Variants in TECPR2 observed in about 807,000 individuals in gnomAD.
The protein encoded by TECPR2 is tectonin beta-propeller repeat-containing protein 2.
Under a neutral mutation model 138.1 loss-of-function variants are expected in TECPR2, and 65 were observed. The observed-to-expected ratio is 0.47, with a 90% CI of 0.39 to 0.58. TECPR2 has a LOEUF of 0.58. Among genes scored for constraint, TECPR2 ranks in the 20% least tolerant of loss-of-function variants. The probability of loss-of-function intolerance (pLI) is 0.00; values close to 1 mark genes in which losing one functional copy is unlikely to be tolerated. For synonymous variants in TECPR2, 746 were observed against 749.8 expected (o/e 0.99, Z 0.08); for missense variants, 1,553 against 1,824.5 (o/e 0.85, Z 2.71).
At chr14:102,474,661 A>G (rs544608262) in intron 17 of TECPR2, among the ~76,000 whole-genome samples, 1 of 152,336 alleles carries the variant, frequency 6.6e-6, no homozygotes, top group South Asian at 2.1e-4. Flanking sequence ...ATTATAAGTG[A>G]TTAAAATTTA....
chr14:102,493,751 CAG>C (rs948393210), intron 17 of TECPR2, among the ~76,000 whole-genome samples: 5 of 152,198 alleles, frequency 3.3e-5, no homozygotes, highest in South Asian at 2.1e-4. Context: ...CCTGCTGTGA[CAG>C]GGGCAGGGGC....
In TECPR2 at chr14:102,435,080, G is replaced by A; in HGVS notation, c.2263G>A (p.Glu755Lys). Residue 755 changes from glutamate (E) to lysine (K), a missense_variant, in exon 9 of 20, where the codon GAG becomes AAG. Coordinates refer to ENST00000359520, the MANE Select transcript of TECPR2 (RefSeq NM_014844.5). ...TCAGACATTGACGTCCAGCGATGAGGAGGACATCTATGCCCACGGGCTTCC... is the reference window on the plus strand; with the variant it reads ...TCAGACATTGACGTCCAGCGATGAGAAGGACATCTATGCCCACGGGCTTCC... ...RDQTLTSSDE[E>K]DIYAHGLPSS... 1 of 1,613,988 alleles carries A rather than the reference G, an allele frequency of 6.2e-7. No individual in the cohort carries two copies. Among genetic ancestry groups the A allele is most frequent in the African/African-American group, 1.3e-5 (1 of 75,052 alleles).
chr14:102,385,712 T>C (rs1489702946), intron 2 of TECPR2, among the ~76,000 whole-genome samples: 3 of 152,058 alleles, frequency 2.0e-5, no homozygotes, highest in Non-Finnish European at 4.4e-5. Flanking sequence ...GGCGGACAGA[T>C]AGCTTGAGCT....
At position 102,376,666 on chromosome 14, in the gene TECPR2, G is replaced by A. The variant is rs550523556; in HGVS notation, c.-56G>A. The A allele has an allele frequency of 6.5e-6, 10 of 1,530,620 alleles. No homozygotes were observed. Among genetic ancestry groups the A allele is most frequent in the Non-Finnish European group, 8.1e-6 (9 of 1,108,088 alleles). 94.8% of individuals were successfully genotyped at this position (1,530,620 alleles called of 1,614,324 possible). The stretch of plus-strand genomic sequence containing the variant: ...GTTCTGTAGCCCCCAGGTTTCCCTA[G>A]ATGACAAATAAACATTCCTTTTCCT... On this transcript the variant is annotated 5_prime_UTR_variant, in exon 2 of 20. Coordinates refer to ENST00000359520, the MANE Select transcript of TECPR2 (RefSeq NM_014844.5).
Position 102,465,186 on chromosome 14 carries a change from G to T in TECPR2, c.3686G>T (p.Trp1229Leu). The change falls in exon 17 of 20, where the codon TGG becomes TTG. Residue 1229 changes from tryptophan (W) to leucine (L), a missense_variant. Physicochemically the swap from Trp to Leu is moderately conservative, Grantham distance 61. Transcript: ENST00000359520. ...TSLACGNQHI[W>L]ACDSRGGVYF... ...TTGGCATGTGGAAATCAGCACATCT[G>T]GGCCTGTGATTCCAGGGGTGGAGTT... The T allele has an allele frequency of 6.2e-7, 1 of 1,614,174 alleles. No homozygotes were observed. Among genetic ancestry groups the T allele is most frequent in the South Asian group, 1.1e-5 (1 of 91,082 alleles).
intron 3 of TECPR2, 101 bp downstream of exon 3, chr14:102,407,567 G>A: frequency 7.0e-7 from 1 of 1,438,628 alleles, no homozygotes; most frequent in Non-Finnish European, 9.2e-7. Context: ...TATGCTCAGA[G>A]AAAGCCGGGC....
rs1889592497 is a variant in TECPR2 at position 102,434,276 on chromosome 14, A to G, written c.1459A>G (p.Thr487Ala). 7.2e-7 allele frequency: 1 copy of G among 1,388,546 alleles called. No homozygotes were observed. Among genetic ancestry groups the G allele is most frequent in the Non-Finnish European group, 9.4e-7 (1 of 1,065,098 alleles). The allele number at this position is 1,388,546 out of a possible 1,614,324, so 86.0% of individuals were successfully genotyped here. ...CACCTGTCACAGCTCCCTGGAATCG[A>G]CACCCTGCTCCGAATTTCCTGGGGA... ...RSTCHSSLES[T>A]PCSEFPGDSP... Residue 487 changes from threonine (T) to alanine (A), a missense_variant, in exon 9 of 20, where the codon ACA (threonine) becomes GCA (alanine). Physicochemically the swap from Thr to Ala is moderately conservative, Grantham distance 58 (BLOSUM62 0). Transcript: ENST00000359520.
At chr14:102,481,521 T>A (rs1890893874) in intron 17 of TECPR2, among the ~76,000 whole-genome samples, 1 of 152,254 alleles carries the variant, frequency 6.6e-6, no homozygotes, top group East Asian at 1.9e-4. Flanking sequence ...TCCCACCTAC[T>A]CAGGAGGCTG....
At chr14:102,376,220 C>T (rs1379696388) in intron 1 of TECPR2, among the ~76,000 whole-genome samples, 1 of 152,140 alleles carries the variant, frequency 6.6e-6, no homozygotes, top group African/African-American at 2.4e-5. Flanking sequence ...ACCTGGTGGG[C>T]TTCATAGTTC....
chr14:102,401,949 T>C (rs1226867150), intron 2 of TECPR2, among the ~76,000 whole-genome samples: 1 of 151,958 alleles, frequency 6.6e-6, no homozygotes, highest in Non-Finnish European at 1.5e-5. Flanking sequence ...AGTTACAGAA[T>C]TGCAGGAAGA....
chr14:102,448,020 A>G lies in TECPR2; in HGVS notation c.3076-1609A>G, dbSNP rs114341553. Among the ~76,000 whole-genome samples, 1,476 of 152,340 alleles carry G rather than the reference A, an allele frequency of 9.7e-3. 23 individuals carry two copies. The highest frequency in any genetic ancestry group is 0.034 in the African/African-American group (1,430 of 41,574). On this transcript the variant is annotated intron_variant, in intron 13 of 19. Coordinates refer to ENST00000359520, the MANE Select transcript of TECPR2 (RefSeq NM_014844.5). ...TATATAATATGTACATTATATACAG[A>G]TGTATCTAATTTATATACTAGGTAA...
intron 16 of TECPR2, among the ~76,000 whole-genome samples, chr14:102,457,079 A>G (rs1890292051): frequency 6.6e-6 from 1 of 151,804 alleles, no homozygotes; most frequent in Admixed American, 6.6e-5. Flanking sequence ...AGGTAGGTCA[A>G]GAGACTTCTC....
chr14:102,393,148 G>A (rs1441105882), intron 2 of TECPR2, among the ~76,000 whole-genome samples: 3 of 152,088 alleles, frequency 2.0e-5, no homozygotes, highest in African/African-American at 7.2e-5. Context: ...GTAGCTTCAG[G>A]GCTAGCTTCT....
intron 4 of TECPR2, 95 bp from the exon 5 acceptor site, chr14:102,414,541 A>G: frequency 1.3e-6 from 2 of 1,493,170 alleles, no homozygotes; most frequent in East Asian, 4.5e-5. Flanking sequence ...AGCTGACCTA[A>G]GCACAGCTAG....
chr14:102,458,571 G>T (rs1213558950), intron 16 of TECPR2, among the ~76,000 whole-genome samples: 1 of 152,014 alleles, frequency 6.6e-6, no homozygotes, highest in African/African-American at 2.4e-5. Flanking sequence ...TGGGGCCCTG[G>T]CTAACTTTCA....
At chr14:102,383,233 A>G (rs150169117) in intron 2 of TECPR2, among the ~76,000 whole-genome samples, 52 of 152,298 alleles carry the variant, frequency 3.4e-4, no homozygotes, top group Non-Finnish European at 5.9e-4. Context: ...TTTGACTTCT[A>G]CAGAGTAGTT....
At position 102,431,627 on chromosome 14, in the gene TECPR2, T is replaced by C. The variant is rs151034203; in HGVS notation, c.1085-169T>C. Among the ~76,000 whole-genome samples, 2,207 of 152,302 alleles carry C rather than the reference T, an allele frequency of 0.014. 25 individuals carry two copies. Among genetic ancestry groups the C allele is most frequent in the Non-Finnish European group, 0.019 (1,277 of 68,028 alleles). The stretch of plus-strand genomic sequence containing the variant: ...AAAGTGCTGGGATTACAGGCGTGAG[T>C]CACCGTGCCCATCCTAGTTTTGCTG... On this transcript the variant is annotated intron_variant, in intron 7 of 19. Transcript: ENST00000359520.
intron 12 of TECPR2, among the ~76,000 whole-genome samples, chr14:102,445,449 A>G (rs1328752619): frequency 2.6e-3 from 261 of 100,512 alleles, no homozygotes; most frequent in Non-Finnish European, 2.9e-3. Flanking sequence ...AGATGGAGGC[A>G]CTCAGGGGCC....
intron 1 of TECPR2, among the ~76,000 whole-genome samples, chr14:102,366,231 T>C (rs1442122883): frequency 6.6e-6 from 1 of 152,188 alleles, no homozygotes; most frequent in Non-Finnish European, 1.5e-5. Flanking sequence ...GTTATGAGAT[T>C]GACAGGGCTA....
Sources: gnomAD v4.1 joint callset for allele counts (sites outside exome capture counted in the v4.1 genomes callset) on GRCh38, gnomAD v4.1.1 for gene constraint, MANE v1.5 for transcripts, NCBI Gene and HGNC (gene_info 2026-07-23, HGNC 2026-07-21) for gene names.